The following PCDHA12 variants were observed in gnomAD, a reference collection of about 807,000 sequenced individuals.
PCDHA12 encodes the protein protocadherin alpha 12.
A neutral mutation model predicts 60.0 loss-of-function variants in PCDHA12; 44 were observed. The ratio of observed to expected loss-of-function variants is 0.73; its 90% CI spans 0.58 to 0.94. The LOEUF is 0.94. PCDHA12 is among the 40% of genes least tolerant of loss of function. The pLI, the probability that PCDHA12 is intolerant of heterozygous loss-of-function variation, is 0.00. For synonymous variants in PCDHA12, 569 were observed against 553.0 expected (o/e 1.03, Z -0.40); for missense variants, 1,276 against 1,239.7 (o/e 1.03, Z -0.44).
chr5:140,947,315 C>T (rs116397497), intron 1 of PCDHA12, among the ~76,000 whole-genome samples: 3,556 of 151,556 alleles, frequency 0.023, 49 homozygotes, highest in Middle Eastern at 0.034. Flanking sequence ...TGTAAAAAGT[C>T]GGTTGACCAT....
At position 140,924,046 on chromosome 5, in the gene PCDHA12, C is replaced by T. The variant is rs59270862; in HGVS notation, c.2367+46207C>T. Among the ~76,000 whole-genome samples, 1,259 of 152,276 alleles carry T rather than the reference C, an allele frequency of 8.3e-3. 10 individuals are homozygous for T. The highest frequency in any genetic ancestry group is 0.029 in the African/African-American group (1,206 of 41,556). ...AGGCATGGCTGCAGACCTAAAAGTT[C>T]GGTACATCTTTACAGTTGTATTTCA... is the stretch of plus-strand genomic sequence containing the variant. On this transcript the variant is annotated intron_variant, in intron 1 of 3. Coordinates refer to ENST00000398631, the MANE Select transcript of PCDHA12 (RefSeq NM_018903.4).
intron 1 of PCDHA12, chr5:140,882,195 T>C: frequency 1.3e-6 from 2 of 1,521,122 alleles, no homozygotes; most frequent in Non-Finnish European, 8.8e-7. Flanking sequence ...GCCATAAAAA[T>C]TGGGCCTTGA....
At chr5:140,986,940 G>A (rs1371744170) in intron 3 of PCDHA12, among the ~76,000 whole-genome samples, 1 of 152,280 alleles carries the variant, frequency 6.6e-6, no homozygotes, top group South Asian at 2.1e-4. Flanking sequence ...GAGGCTGGGT[G>A]TGGTCGCTCA....
At chr5:140,931,817 C>A (rs2087768963) in intron 1 of PCDHA12, among the ~76,000 whole-genome samples, 1 of 151,876 alleles carries the variant, frequency 6.6e-6, no homozygotes, top group Non-Finnish European at 1.5e-5. Context: ...GAAAAGAATT[C>A]TTGTCATAGT....
At chr5:140,982,807 G>A (rs2097006971) in intron 3 of PCDHA12, among the ~76,000 whole-genome samples, 2 of 152,048 alleles carry the variant, frequency 1.3e-5, no homozygotes, top group South Asian at 4.1e-4. Flanking sequence ...GTGTGTGTGT[G>A]TGTATGAAGT....
intron 3 of PCDHA12, among the ~76,000 whole-genome samples, chr5:140,994,595 C>CT (rs1554254262): frequency 6.6e-6 from 1 of 151,984 alleles, no homozygotes; most frequent in East Asian, 1.9e-4. Context: ...GTCTCAGCTA[C>CT]TTGGGAGGCT....
Position 140,912,662 on chromosome 5 carries a change from T to C in PCDHA12, c.2367+34823T>C, listed in dbSNP as rs145118694. 1.9e-3 allele frequency among the ~76,000 whole-genome samples: 286 copies of C among 152,264 alleles called. 1 individual carries two copies. The highest frequency in any genetic ancestry group is 6.7e-3 in the African/African-American group (280 of 41,548). Reference sequence around the variant, plus strand: ...CTATGTTGAATAGAAGTGGTGAAAATGGGCATCCTTGACTTATTCCAGGTC... The same window carrying C: ...CTATGTTGAATAGAAGTGGTGAAAACGGGCATCCTTGACTTATTCCAGGTC... On this transcript the variant is annotated intron_variant, in intron 1 of 3. Coordinates refer to ENST00000398631, the MANE Select transcript of PCDHA12 (RefSeq NM_018903.4).
chr5:140,977,335 A>T (rs1341928835), intron 1 of PCDHA12, among the ~76,000 whole-genome samples: 19 of 152,322 alleles, frequency 1.2e-4, no homozygotes, highest in Admixed American at 1.1e-3. Context: ...GAGGGGAGAG[A>T]CGGTGATGAT....
intron 1 of PCDHA12, among the ~76,000 whole-genome samples, chr5:140,933,436 A>G (rs1554209364): frequency 6.6e-6 from 1 of 152,102 alleles, no homozygotes; most frequent in Non-Finnish European, 1.5e-5. Flanking sequence ...GGGGCACTCT[A>G]ATGACATACC....
At chr5:140,897,188 A>AT (rs1353420094) in intron 1 of PCDHA12, among the ~76,000 whole-genome samples, 5 of 152,104 alleles carry the variant, frequency 3.3e-5, no homozygotes, top group African/African-American at 7.2e-5. Flanking sequence ...CAAAAAATAT[A>AT]TTTTTTTATT....
chr5:140,960,299 A>C (rs246005), intron 1 of PCDHA12, among the ~76,000 whole-genome samples: 85,531 of 151,846 alleles, frequency 0.56, 24,685 homozygotes, highest in African/African-American at 0.69. Flanking sequence ...TTTCTTCATC[A>C]ATACCAACCT....
At chr5:141,007,395 CAAAAAAAA>C (rs35800918) in intron 3 of PCDHA12, among the ~76,000 whole-genome samples, 98 of 94,844 alleles carry the variant, frequency 1.0e-3, no homozygotes, top group African/African-American at 2.9e-3. Context: ...TACTAAAATA[CAAAAAAAA>C]AAAAAAAAAA....
chr5:140,985,533 G>T (rs2097156708), intron 3 of PCDHA12, among the ~76,000 whole-genome samples: 1 of 152,082 alleles, frequency 6.6e-6, no homozygotes, highest in Admixed American at 6.6e-5. Context: ...AAGCTTCACG[G>T]TGAAGATGCA....
At chr5:140,958,135 G>T (rs868969031) in intron 1 of PCDHA12, among the ~76,000 whole-genome samples, 3 of 152,036 alleles carry the variant, frequency 2.0e-5, no homozygotes, top group Non-Finnish European at 4.4e-5. Context: ...GTATCAGTGT[G>T]TATATTTATA....
At chr5:140,985,818 C>T (rs1377098916) in intron 3 of PCDHA12, among the ~76,000 whole-genome samples, 1 of 142,038 alleles carries the variant, frequency 7.0e-6, no homozygotes, top group Non-Finnish European at 1.5e-5. Flanking sequence ...CAGCTCACAA[C>T]AAGCTCTGCC....
intron 1 of PCDHA12, among the ~76,000 whole-genome samples, chr5:140,887,841 T>C (rs1024646010): frequency 2.6e-5 from 4 of 152,224 alleles, no homozygotes; most frequent in African/African-American, 7.2e-5. Context: ...ATATCTTTTA[T>C]TGACATATTT....
chr5:141,000,395 C>CTCTATA (rs1213762225), intron 3 of PCDHA12, among the ~76,000 whole-genome samples: 3 of 53,980 alleles, frequency 5.6e-5, no homozygotes, highest in East Asian at 6.1e-4. Flanking sequence ...CTCTCTCTCT[C>CTCTATA]TATATATATA....
intron 3 of PCDHA12, among the ~76,000 whole-genome samples, chr5:141,001,297 A>G (rs1367498675): frequency 1.3e-5 from 2 of 152,202 alleles, no homozygotes; most frequent in African/African-American, 2.4e-5. Context: ...ACTGAGGCCC[A>G]GAGATATGAA....
chr5:140,955,493 T>G (rs1554221955), intron 1 of PCDHA12, among the ~76,000 whole-genome samples: 1 of 152,190 alleles, frequency 6.6e-6, no homozygotes, highest in African/African-American at 2.4e-5. Flanking sequence ...CCTGCCACCA[T>G]GTGAAGAAAG....
Sources: gnomAD v4.1 joint callset for allele counts (sites outside exome capture counted in the v4.1 genomes callset) on GRCh38, gnomAD v4.1.1 for gene constraint, MANE v1.5 for transcripts, NCBI Gene and HGNC (gene_info 2026-07-23, HGNC 2026-07-21) for gene names.